The following ZNF638 variants were observed in gnomAD, a reference collection of about 807,000 sequenced individuals.
ZNF638 encodes zinc finger protein 638, also known as CTCL tumor antigen se33-1.
ZNF638 carries 46 observed loss-of-function variants against 195.6 expected under a neutral mutation model. The observed-to-expected ratio is 0.24, with a 90% confidence interval of 0.19 to 0.30. ZNF638 has a LOEUF of 0.30. ZNF638 is among the 10% of genes least tolerant of loss of function. ZNF638 has a pLI of 1.00. For missense variants in ZNF638, 2,440 were observed against 2,325.3 expected (o/e 1.05, Z -1.01); for synonymous variants, 845 against 772.0 (o/e 1.09, Z -1.57).
chr2:71,363,214 T>C (rs1460481177), intron 4 of ZNF638, 23 bp downstream of exon 4: 2 of 1,515,834 alleles, frequency 1.3e-6, no homozygotes, highest in Non-Finnish European at 9.0e-7. Context: ...AATAGTAATA[T>C]TATTAAAACC....
At chr2:71,390,479 G>C (rs2079750089) in intron 10 of ZNF638, among the ~76,000 whole-genome samples, 1 of 152,198 alleles carries the variant, frequency 6.6e-6, no homozygotes, top group Non-Finnish European at 1.5e-5. Flanking sequence ...GTAATTGATA[G>C]TGATTATCAA....
chr2:71,351,523 T>A (rs1253989148), intron 2 of ZNF638, among the ~76,000 whole-genome samples: 1 of 152,222 alleles, frequency 6.6e-6, no homozygotes, highest in Non-Finnish European at 1.5e-5. Context: ...AGTGTTTGTC[T>A]GTATTCTTGT....
Position 71,423,771 on chromosome 2 carries a change from A to G in ZNF638, c.4257A>G (p.Lys1419=), listed in dbSNP as rs2080478737. The G allele has an allele frequency of 6.2e-7, 1 of 1,614,038 alleles. No individual in the cohort carries two copies. The highest frequency in any genetic ancestry group is 1.1e-5 in the South Asian group (1 of 91,082). ...SKTENQKSFP[K]SVPRDQINAE... is the part of the protein sequence containing the mutation. ...CTGAAAATCAGAAAAGTTTTCCAAA[A>G]TCTGTGCCCAGAGATCAAATAAATG... The change falls in exon 22 of 28, where the codon AAA becomes AAG. Residue 1419 remains lysine, a synonymous_variant. Coordinates refer to ENST00000264447, the MANE Select transcript of ZNF638 (RefSeq NM_014497.5).
At position 71,423,706 on chromosome 2, in the gene ZNF638, A is replaced by G. The variant is rs1257285459; in HGVS notation, c.4192A>G (p.Ile1398Val). 12 of 1,613,908 alleles carry G rather than the reference A, an allele frequency of 7.4e-6. No homozygotes were observed. The highest frequency in any genetic ancestry group is 1.0e-5 in the Non-Finnish European group (12 of 1,180,008). ...SSSKPSIKAV[I>V]VSSPKAKATV... Reference sequence around the variant, plus strand: ...CAGTAAACCAAGCATCAAGGCTGTTATAGTCTCTTCTCCTAAGGCAAAAGC... The same window carrying G: ...CAGTAAACCAAGCATCAAGGCTGTTGTAGTCTCTTCTCCTAAGGCAAAAGC... Residue 1398 changes from isoleucine to valine, a missense_variant, in exon 22 of 28, where the codon ATA (isoleucine) becomes GTA (valine). By Grantham distance (29) the Ile-to-Val change is conservative (BLOSUM62 3). Transcript: ENST00000264447.
intron 3 of ZNF638, among the ~76,000 whole-genome samples, chr2:71,359,142 CAG>C (rs546107323): frequency 3.7e-4 from 57 of 152,156 alleles, no homozygotes; most frequent in Admixed American, 8.5e-4. Flanking sequence ...CGATATATGA[CAG>C]GGGATTTACT....
At chr2:71,351,305 T>C (rs2104188921) in intron 2 of ZNF638, among the ~76,000 whole-genome samples, 1 of 152,364 alleles carries the variant, frequency 6.6e-6, no homozygotes, top group South Asian at 2.1e-4. Context: ...ATCTGATAAT[T>C]AGATCTGTTG....
intron 3 of ZNF638, among the ~76,000 whole-genome samples, chr2:71,360,125 A>G (rs751596126): frequency 3.2e-4 from 48 of 152,206 alleles, no homozygotes; most frequent in South Asian, 8.3e-4. Flanking sequence ...ATGGGCCTTT[A>G]TCATCCCTTC....
intron 24 of ZNF638, among the ~76,000 whole-genome samples, chr2:71,428,266 A>G (rs1309116255): frequency 6.6e-6 from 1 of 152,234 alleles, no homozygotes; most frequent in Non-Finnish European, 1.5e-5. Context: ...CCACAGGCTT[A>G]TGGAACAAAT....
At chr2:71,373,702 G>T (rs1180573189) in intron 8 of ZNF638, among the ~76,000 whole-genome samples, 2 of 152,044 alleles carry the variant, frequency 1.3e-5, no homozygotes, top group Admixed American at 6.5e-5. Flanking sequence ...ACAGGCGTGA[G>T]CCACCTCGCC....
intron 25 of ZNF638, 47 bp downstream of exon 25, chr2:71,428,698 A>T: frequency 4.7e-6 from 7 of 1,488,890 alleles, no homozygotes; most frequent in Non-Finnish European, 6.5e-6. Flanking sequence ...ACAACACAGG[A>T]GAGTAGTTGA....
At position 71,364,225 on chromosome 2, in the gene ZNF638, A is replaced by G. The variant is rs150230256; in HGVS notation, c.1690A>G (p.Met564Val). ...CTTTCGATCAGTTAGCCCTGAGAGG[A>G]TGTCAAGGAGATCAGTGAGATCATC... ...KCFRSVSPER[M>V]SRRSVRSSDR... Residue 564 changes from methionine (M) to valine (V), a missense_variant, in exon 5 of 28, where the codon ATG becomes GTG. Met to Val is a conservative substitution (Grantham distance 21). Around this residue, in one of 5 missense-constraint regions of ZNF638, gnomAD observed 1,883 missense variants for 1,739.1 expected, o/e 1.08. Transcript: ENST00000264447. 1.2e-6 allele frequency: 2 copies of G among 1,613,932 alleles called. No individual in the cohort carries two copies. The highest frequency in any genetic ancestry group is 2.7e-5 in the African/African-American group (2 of 74,936).
At chr2:71,391,240 G>T (rs1290113115) in intron 10 of ZNF638, among the ~76,000 whole-genome samples, 3 of 152,192 alleles carry the variant, frequency 2.0e-5, no homozygotes, top group Admixed American at 2.0e-4. Flanking sequence ...TTCCCCTGTG[G>T]CAATTCTTCA....
chr2:71,387,943 A>G (rs1021082294), intron 10 of ZNF638, among the ~76,000 whole-genome samples: 1 of 152,204 alleles, frequency 6.6e-6, no homozygotes, highest in Non-Finnish European at 1.5e-5. Flanking sequence ...ATTGGAAAAT[A>G]GTATGATTAG....
At chr2:71,432,362 G>A (rs1309507635) in intron 26 of ZNF638, among the ~76,000 whole-genome samples, 1 of 152,092 alleles carries the variant, frequency 6.6e-6, no homozygotes, top group East Asian at 1.9e-4. Flanking sequence ...CACCACACCT[G>A]GCTAGTTTTT....
chr2:71,409,578 C>A (rs1321297774), intron 20 of ZNF638, among the ~76,000 whole-genome samples: 1 of 152,096 alleles, frequency 6.6e-6, no homozygotes, highest in Non-Finnish European at 1.5e-5. Context: ...TTCTTATATT[C>A]CCAGTCATTT....
intron 16 of ZNF638, among the ~76,000 whole-genome samples, chr2:71,403,552 G>A (rs1558871577): frequency 6.6e-6 from 1 of 152,116 alleles, no homozygotes; most frequent in African/African-American, 2.4e-5. Flanking sequence ...CTACATGCCA[G>A]ATACTGCTCT....
At position 71,426,753 on chromosome 2, in the gene ZNF638, A is replaced by G; in HGVS notation, c.4884A>G (p.Glu1628=). Residue 1628 remains glutamate (E), a synonymous_variant, in exon 24 of 28, where the codon GAA becomes GAG. Transcript: ENST00000264447. Reference sequence around the variant, plus strand: ...CTGTGGATGAAGTAATTGATGAAGAAGAACTAAATATGGAAGAAATGGTAA... The same window carrying G: ...CTGTGGATGAAGTAATTGATGAAGAGGAACTAAATATGGAAGAAATGGTAA... ...LVTVDEVIDE[E]ELNMEEMVKN... The G allele has an allele frequency of 1.2e-6, 2 of 1,613,906 alleles. No individual in the cohort carries two copies. Among genetic ancestry groups the G allele is most frequent in the East Asian group, 2.2e-5 (1 of 44,880 alleles).
At chr2:71,381,678 A>G (rs2079537257) in intron 10 of ZNF638, among the ~76,000 whole-genome samples, 1 of 152,146 alleles carries the variant, frequency 6.6e-6, no homozygotes, top group Non-Finnish European at 1.5e-5. Context: ...TTTTGGGTAA[A>G]AAGGTTTGGG....
chr2:71,390,654 T>TAA (rs1474418677), intron 10 of ZNF638, among the ~76,000 whole-genome samples: 1 of 152,144 alleles, frequency 6.6e-6, no homozygotes, highest in East Asian at 1.9e-4. Context: ...TGGAACCAGT[T>TAA]AATCACTGAT....
Sources: allele counts gnomAD v4.1 joint callset (sites outside exome capture counted in the v4.1 genomes callset), GRCh38; gene constraint gnomAD v4.1.1; regional missense constraint gnomAD v4.1.1; transcripts MANE v1.5; gene names NCBI Gene and HGNC (gene_info 2026-07-23, HGNC 2026-07-21).